OPCML: variants seen among roughly 807,000 people sequenced by gnomAD.
The protein encoded by OPCML is opioid-binding protein/cell adhesion molecule.
OPCML carries 13 observed loss-of-function variants against 37.8 expected under a neutral mutation model. The observed-to-expected ratio is 0.34, with a 90% confidence interval of 0.22 to 0.55. OPCML has a LOEUF of 0.55. Ranked by LOEUF, OPCML falls within the 20% of genes least tolerant of loss-of-function variation. The pLI is 0.91. For synonymous variants in OPCML, 176 were observed against 168.8 expected, an observed-to-expected ratio of 1.04 and a Z score of -0.33; for missense variants, 341 against 435.6, an observed-to-expected ratio of 0.78 and a Z score of 1.93.
chr11:132,828,198 A>G (rs542349216), intron 2 of OPCML, among the ~76,000 whole-genome samples: 4 of 152,328 alleles, frequency 2.6e-5, no homozygotes, highest in African/African-American at 9.6e-5. Flanking sequence ...AAAAGGCACA[A>G]TTATAGAGAC....
At chr11:133,462,829 G>A (rs918673516) in intron 1 of OPCML, among the ~76,000 whole-genome samples, 4 of 152,134 alleles carry the variant, frequency 2.6e-5, no homozygotes, top group Non-Finnish European at 4.4e-5. Flanking sequence ...TTTCACTTCT[G>A]TGTATATATC....
intron 1 of OPCML, among the ~76,000 whole-genome samples, chr11:133,028,699 A>G (rs1947610672): frequency 6.6e-6 from 1 of 152,144 alleles, no homozygotes; most frequent in Non-Finnish European, 1.5e-5. Context: ...CATATACAAA[A>G]AAAATCAACT....
At chr11:132,773,397 CTGAT>C (rs1946708461) in intron 2 of OPCML, 1 of 152,082 alleles carries the variant, frequency 6.6e-6, no homozygotes. Flanking sequence ...AGCCGTGTGT[CTGAT>C]TGCTTCACTC....
At chr11:133,418,123 A>C in intron 1 of OPCML, 1 of 985,418 alleles carries the variant, frequency 1.0e-6, no homozygotes, top group South Asian at 4.7e-5. Flanking sequence ...ATATGGCGTG[A>C]AGTCGAAGAC....
At chr11:132,948,901 A>G (rs1945801522) in intron 1 of OPCML, among the ~76,000 whole-genome samples, 1 of 152,238 alleles carries the variant, frequency 6.6e-6, no homozygotes, top group Non-Finnish European at 1.5e-5. Flanking sequence ...AGTCTCGTTT[A>G]TGACAATTTG....
rs73588519 is a variant in OPCML at position 133,004,145 on chromosome 11, C to A, written c.62-61135G>T. On this transcript the variant is annotated intron_variant, in intron 1 of 7. Coordinates refer to ENST00000524381, the MANE Select transcript of OPCML (RefSeq NM_001012393.5). ...CACACATCTCAAAAGCGGGAGCAGG[C>A]AGCCCAGAGAGTGGGTCTCACTCCT... The A allele has an allele frequency of 7.5e-3, 7,439 of 985,344 alleles. 446 individuals are homozygous for A. In the African/African-American group the frequency reaches 0.12, roughly 16 times the overall value. The allele number at this position is 985,344 out of a possible 1,614,324, so 61.0% of individuals were successfully genotyped here.
At chr11:133,010,422 G>C (rs530890275) in intron 1 of OPCML, among the ~76,000 whole-genome samples, 2 of 152,354 alleles carry the variant, frequency 1.3e-5, no homozygotes, top group East Asian at 1.9e-4. Flanking sequence ...GAGAACACTT[G>C]TAAGAGGTGG....
At chr11:133,158,708 T>TAAAAA (rs1387266864) in intron 1 of OPCML, among the ~76,000 whole-genome samples, 11 of 108,966 alleles carry the variant, frequency 1.0e-4, no homozygotes, top group African/African-American at 4.1e-4. Flanking sequence ...AAAAATAAAA[T>TAAAAA]TAAAAAAATA....
At chr11:133,046,059 G>A (rs889265470) in intron 1 of OPCML, among the ~76,000 whole-genome samples, 1 of 152,198 alleles carries the variant, frequency 6.6e-6, no homozygotes, top group African/African-American at 2.4e-5. Context: ...ACTGAAAGCT[G>A]AGGTTTCTGC....
chr11:132,632,964 C>A lies in OPCML; in HGVS notation c.379+24123G>T, dbSNP rs113562656. 4.6e-4 allele frequency among the ~76,000 whole-genome samples: 63 copies of A among 136,938 alleles called. 1 individual carries two copies. In the Middle Eastern group the frequency reaches 0.014, roughly 31 times the overall value. 89.8% of individuals were successfully genotyped at this position (136,938 alleles called of 152,430 possible). ...ACCATATTGAAAAAAAAAAAAAAAA[C>A]CATCCAGGATGACGAATTTATTCCC... On this transcript the variant is annotated intron_variant, in intron 3 of 7. Transcript: ENST00000524381.
chr11:132,808,551 A>C (rs1939149313), intron 2 of OPCML, among the ~76,000 whole-genome samples: 1 of 152,182 alleles, frequency 6.6e-6, no homozygotes, highest in Admixed American at 6.5e-5. Flanking sequence ...TTTTTCCCAA[A>C]GAAATTTGAT....
At chr11:133,507,255 G>C (rs1430567758) in intron 1 of OPCML, among the ~76,000 whole-genome samples, 1 of 152,202 alleles carries the variant, frequency 6.6e-6, no homozygotes, top group African/African-American at 2.4e-5. Context: ...GAGAACTCCA[G>C]CTCAGCACCT....
At chr11:133,471,059 C>T (rs1457535291) in intron 1 of OPCML, among the ~76,000 whole-genome samples, 1 of 152,142 alleles carries the variant, frequency 6.6e-6, no homozygotes, top group Non-Finnish European at 1.5e-5. Flanking sequence ...AGACATGATC[C>T]CTGTCCTTGA....
intron 2 of OPCML, among the ~76,000 whole-genome samples, chr11:132,730,035 A>G (rs1440221143): frequency 1.0e-5 from 1 of 98,772 alleles, no homozygotes; most frequent in East Asian, 2.5e-4. Context: ...TTTTTTTGAG[A>G]CAGAGTCTTG....
chr11:132,455,365 A>G (rs1039005767), intron 4 of OPCML, among the ~76,000 whole-genome samples: 2 of 152,196 alleles, frequency 1.3e-5, no homozygotes, highest in African/African-American at 4.8e-5. Context: ...TTAACTCAAA[A>G]GGTCACCTCC....
At chr11:132,989,130 C>G (rs1019844790) in intron 1 of OPCML, among the ~76,000 whole-genome samples, 5 of 152,176 alleles carry the variant, frequency 3.3e-5, no homozygotes, top group African/African-American at 1.2e-4. Context: ...GCAACACCTT[C>G]CATATTTAAA....
intron 1 of OPCML, among the ~76,000 whole-genome samples, chr11:133,198,125 C>A (rs763740629): frequency 6.6e-6 from 1 of 152,146 alleles, no homozygotes; most frequent in South Asian, 2.1e-4. Flanking sequence ...GATATCCTTC[C>A]AAAATGGGTT....
Position 133,174,816 on chromosome 11 carries a change from C to G in OPCML, c.62-231806G>C, listed in dbSNP as rs902709294. Among the ~76,000 whole-genome samples the G allele has an allele frequency of 6.6e-6, 1 of 152,088 alleles. No individual in the cohort carries two copies. The highest frequency in any genetic ancestry group is 2.4e-5 in the African/African-American group (1 of 41,408). Reference sequence around the variant, plus strand: ...ATGATGAGTGTATACTTCGTGTGCACTAGAAAAAGAGTACTTTAAAATAAC... The same window carrying G: ...ATGATGAGTGTATACTTCGTGTGCAGTAGAAAAAGAGTACTTTAAAATAAC... On this transcript the variant is annotated intron_variant, in intron 1 of 7. Coordinates refer to ENST00000524381, the MANE Select transcript of OPCML (RefSeq NM_001012393.5). This position sits in a 1 kb window ranked among gnomAD's most constrained non-coding sequence, Gnocchi z 4.6.
At chr11:133,498,691 C>T (rs559160615) in intron 1 of OPCML, among the ~76,000 whole-genome samples, 13 of 152,258 alleles carry the variant, frequency 8.5e-5, no homozygotes, top group Admixed American at 3.3e-4. Flanking sequence ...AGTCCAGTAG[C>T]GTCGCACATC....
Sources: allele counts gnomAD v4.1 joint callset (sites outside exome capture counted in the v4.1 genomes callset), GRCh38; gene constraint gnomAD v4.1.1; non-coding constraint Gnocchi (gnomAD v3.1); transcripts MANE v1.5; gene names NCBI Gene and HGNC (gene_info 2026-07-23, HGNC 2026-07-21).